Variants in GRIP1 observed in about 807,000 individuals in gnomAD.
GRIP1 encodes the protein glutamate receptor interacting protein 1.
In GRIP1, 45 loss-of-function variants were observed where a neutral mutation model predicts 129.9. The observed-to-expected ratio is 0.35, with a 90% CI of 0.27 to 0.44. GRIP1 has a LOEUF of 0.44. GRIP1 is among the 20% of genes least tolerant of loss of function. The pLI is 1.00. For synonymous variants in GRIP1, 530 were observed against 520.8 expected, an observed-to-expected ratio of 1.02 and a Z score of -0.24; for missense variants, 1,196 against 1,396.8, an observed-to-expected ratio of 0.86 and a Z score of 2.29.
intron 1 of GRIP1, among the ~76,000 whole-genome samples, chr12:66,925,092 G>C (rs1447069942): frequency 6.6e-6 from 1 of 152,254 alleles, no homozygotes; most frequent in Non-Finnish European, 1.5e-5. Flanking sequence ...AACAGAGTTG[G>C]GGCACTTGAG....
At chr12:66,381,059 A>G (rs2056085827) in intron 19 of GRIP1, among the ~76,000 whole-genome samples, 2 of 152,026 alleles carry the variant, frequency 1.3e-5, no homozygotes, top group Admixed American at 6.6e-5. Flanking sequence ...CATTTTTGCT[A>G]CTAGTTTAAA....
At chr12:66,488,446 A>G (rs1370311896) in intron 7 of GRIP1, among the ~76,000 whole-genome samples, 2 of 152,210 alleles carry the variant, frequency 1.3e-5, no homozygotes, top group Non-Finnish European at 2.9e-5. Context: ...GAGACAATAT[A>G]CCAGAATTTT....
chr12:66,401,609 T>TATATATATATATATATATATATAC (rs1169241331), intron 16 of GRIP1, among the ~76,000 whole-genome samples: 8 of 110,184 alleles, frequency 7.3e-5, no homozygotes, highest in African/African-American at 3.0e-4. Flanking sequence ...TATATATATA[T>TATATATATATATATATATATATAC]ACACACACAC....
chr12:67,039,607 C>A (rs928200489), intron 1 of GRIP1, among the ~76,000 whole-genome samples: 3 of 152,140 alleles, frequency 2.0e-5, no homozygotes, highest in Non-Finnish European at 2.9e-5. Flanking sequence ...TGGTTCTGTA[C>A]CATCAGGTGG....
chr12:66,407,014 AT>A (rs1342885269), intron 15 of GRIP1, among the ~76,000 whole-genome samples: 2 of 152,180 alleles, frequency 1.3e-5, no homozygotes, highest in African/African-American at 4.8e-5. Flanking sequence ...GTTGAAAAAA[AT>A]TTTAAGGTCC....
chr12:66,438,332 T>C (rs894031116), intron 13 of GRIP1, among the ~76,000 whole-genome samples: 1 of 152,126 alleles, frequency 6.6e-6, no homozygotes, highest in Non-Finnish European at 1.5e-5. Flanking sequence ...AACTTGTCTA[T>C]AGGGACAAAT....
At chr12:66,723,289 T>C (rs2036138530) in intron 1 of GRIP1, among the ~76,000 whole-genome samples, 1 of 30,394 alleles carries the variant, frequency 3.3e-5, no homozygotes, top group African/African-American at 2.4e-4. Flanking sequence ...CCTTCCTTTC[T>C]TTCTTTCTTT....
At chr12:66,746,193 G>C (rs964949507) in intron 1 of GRIP1, among the ~76,000 whole-genome samples, 1 of 152,106 alleles carries the variant, frequency 6.6e-6, no homozygotes, top group Non-Finnish European at 1.5e-5. Flanking sequence ...TAAAGCTGCT[G>C]AACTGACTGG....
At chr12:66,368,075 G>GA (rs2055256563) in intron 23 of GRIP1, among the ~76,000 whole-genome samples, 1 of 152,168 alleles carries the variant, frequency 6.6e-6, no homozygotes, top group Non-Finnish European at 1.5e-5. Context: ...CTGACCTGGG[G>GA]ACCTTCCAAA....
intron 1 of GRIP1, among the ~76,000 whole-genome samples, chr12:66,659,078 C>T (rs2033344596): frequency 6.6e-6 from 1 of 152,228 alleles, no homozygotes; most frequent in African/African-American, 2.4e-5. Context: ...ATTCCTGCTG[C>T]ATGGCTTTTG....
At chr12:66,743,829 T>C (rs944130521) in intron 1 of GRIP1, among the ~76,000 whole-genome samples, 2 of 152,206 alleles carry the variant, frequency 1.3e-5, no homozygotes, top group African/African-American at 4.8e-5. Flanking sequence ...GCTACAGCTA[T>C]GGAAAGACTG....
intron 1 of GRIP1, among the ~76,000 whole-genome samples, chr12:66,973,919 CTTTT>C (rs535699240): frequency 4.1e-5 from 5 of 121,352 alleles, no homozygotes; most frequent in African/African-American, 6.1e-5. Flanking sequence ...CTTTTCTTTT[CTTTT>C]TTTTTTTTTT....
intron 1 of GRIP1, among the ~76,000 whole-genome samples, chr12:66,660,816 T>C (rs889845253): frequency 6.6e-5 from 10 of 152,136 alleles, no homozygotes; most frequent in Non-Finnish European, 1.2e-4. Context: ...GAATAAGATA[T>C]GGGCTATGCC....
intron 2 of GRIP1, among the ~76,000 whole-genome samples, chr12:66,589,472 T>A (rs1178118221): frequency 6.6e-6 from 1 of 152,164 alleles, no homozygotes; most frequent in Non-Finnish European, 1.5e-5. Context: ...TTTGTGGTTG[T>A]CAAAGTCATG....
intron 1 of GRIP1, among the ~76,000 whole-genome samples, chr12:66,968,844 T>C (rs1394127254): frequency 2.0e-5 from 3 of 152,198 alleles, no homozygotes; most frequent in Non-Finnish European, 4.4e-5. Context: ...TCTAAGTTGC[T>C]GAACTATCAT....
At position 66,703,479 on chromosome 12, in the gene GRIP1, G is replaced by A. The variant is rs573855749; in HGVS notation, c.-419-73143C>T. On this transcript the variant is annotated intron_variant, in intron 1 of 4. Coordinates refer to the GRIP1 transcript ENST00000538373. Reference sequence around the variant, plus strand: ...AGGAGGGAAGATCCGCTAGGAGGTGGAGGCAATCATTCCTGCTGTAGGTGA... The same window carrying A: ...AGGAGGGAAGATCCGCTAGGAGGTGAAGGCAATCATTCCTGCTGTAGGTGA... Among the ~76,000 whole-genome samples the A allele has an allele frequency of 2.9e-4, 44 of 152,178 alleles. 2 individuals carry two copies. In the South Asian group the frequency reaches 8.9e-3, roughly 31 times the overall value.
chr12:66,400,254 T>G (rs185627136), intron 16 of GRIP1, among the ~76,000 whole-genome samples: 1 of 150,264 alleles, frequency 6.7e-6, no homozygotes, highest in Non-Finnish European at 1.5e-5. Context: ...GTGATTCCGA[T>G]GTACACTCAA....
chr12:66,490,705 A>T (rs2060083029), intron 7 of GRIP1, among the ~76,000 whole-genome samples: 1 of 152,196 alleles, frequency 6.6e-6, no homozygotes, highest in Admixed American at 6.5e-5. Flanking sequence ...GAATTTTTGC[A>T]ATTTATACAT....
At chr12:66,739,006 A>G (rs576733457) in intron 1 of GRIP1, among the ~76,000 whole-genome samples, 2 of 152,118 alleles carry the variant, frequency 1.3e-5, no homozygotes, top group African/African-American at 2.4e-5. Context: ...AGAGCCTTAT[A>G]TATTTGTTCA....
Sources: allele counts gnomAD v4.1 joint callset (sites outside exome capture counted in the v4.1 genomes callset), GRCh38; gene constraint gnomAD v4.1.1; transcripts MANE v1.5; gene names NCBI Gene and HGNC (gene_info 2026-07-23, HGNC 2026-07-21).